XRCC6: variants seen among roughly 807,000 people sequenced by gnomAD.
XRCC6 encodes DNA repair protein Ku70.
XRCC6 carries 5 observed loss-of-function variants against 65.7 expected under a neutral mutation model. That is an observed-to-expected ratio of 0.08 (90% confidence interval 0.04 to 0.16). XRCC6 has a LOEUF of 0.16. Ranked by LOEUF, XRCC6 falls within the 10% of genes least tolerant of loss-of-function variation. The pLI is 1.00. For synonymous variants in XRCC6, 270 were observed against 270.6 expected (o/e 1.00, Z 0.02); for missense variants, 447 against 738.1 (o/e 0.61, Z 4.57).
chr22:41,633,789 G>GCCTA (rs1340842803), intron 3 of XRCC6, among the ~76,000 whole-genome samples: 1 of 152,128 alleles, frequency 6.6e-6, no homozygotes, highest in African/African-American at 2.4e-5. Context: ...AACCCTTGAT[G>GCCTA]CCTAAAGACC....
chr22:41,641,172 T>C (rs1194230759), intron 6 of XRCC6, among the ~76,000 whole-genome samples: 9 of 151,720 alleles, frequency 5.9e-5, no homozygotes, highest in Non-Finnish European at 1.5e-5. Flanking sequence ...GTGGTAATTA[T>C]TTATAAATGT....
In XRCC6 at chr22:41,649,139, A is replaced by AAAAT; in HGVS notation, c.961-1583_961-1582insAATA. On this transcript the variant is annotated intron_variant, in intron 7 of 12. Transcript: ENST00000360079. ...GGGAAGAGAGTACAAAAAAAAAAAA[A>AAAAT]ATATATATATATATATATATATATG... Among the ~76,000 whole-genome samples, 463 of 88,674 alleles carry AAAAT rather than the reference A, an allele frequency of 5.2e-3. 2 individuals carry two copies. The highest frequency in any genetic ancestry group is 0.015 in the African/African-American group (316 of 21,654). 58.2% of individuals were successfully genotyped at this position (88,674 alleles called of 152,430 possible).
chr22:41,639,329 C>CTTTTTTTTTTTTTTTTTTTTTTT (rs386395480), intron 6 of XRCC6, among the ~76,000 whole-genome samples: 2 of 64,560 alleles, frequency 3.1e-5, no homozygotes, highest in African/African-American at 6.1e-5. Flanking sequence ...GATTCTTTTT[C>CTTTTTTTTTTTTTTTTTTTTTTT]TTTTTTTTTT....
intron 11 of XRCC6, among the ~76,000 whole-genome samples, chr22:41,659,370 C>T (rs958966382): frequency 4.6e-5 from 7 of 152,048 alleles, no homozygotes; most frequent in East Asian, 1.9e-4. Context: ...CCACCAAGCC[C>T]GGTTAATTTT....
At position 41,636,184 on chromosome 22, in the gene XRCC6, T is replaced by C. The variant is rs55916233; in HGVS notation, c.267T>C (p.Gly89=). 1.2e-6 allele frequency: 2 copies of C among 1,609,254 alleles called. No individual in the cohort carries two copies. The highest frequency in any genetic ancestry group is 4.5e-5 in the East Asian group (2 of 44,840). ...ATCTCTTGGCTGTGGTGTTCTATGG[T>C]ACCGAGAAAGACAAAAATTCAGTGA... ...DRDLLAVVFY[G]TEKDKNSVNF... is the part of the protein sequence containing the mutation. Residue 89 remains glycine, a synonymous_variant, in exon 4 of 13, where the codon GGT becomes GGC. Transcript: ENST00000360079.
chr22:41,655,852 C>A (rs1294402282), intron 9 of XRCC6, among the ~76,000 whole-genome samples: 1 of 151,756 alleles, frequency 6.6e-6, no homozygotes, highest in Non-Finnish European at 1.5e-5. Flanking sequence ...ACGTGAGCCA[C>A]CATGTCCGGC....
intron 9 of XRCC6, among the ~76,000 whole-genome samples, chr22:41,655,653 T>G (rs2068037711): frequency 6.6e-6 from 1 of 151,108 alleles, no homozygotes; most frequent in Admixed American, 6.6e-5. Context: ...GAGCTGAGAT[T>G]GCGCCACTGC....
intron 9 of XRCC6, among the ~76,000 whole-genome samples, chr22:41,655,069 C>G (rs1365913024): frequency 1.3e-5 from 2 of 152,186 alleles, no homozygotes; most frequent in African/African-American, 4.8e-5. Context: ...TCTTGGTTAT[C>G]AGATTGACTG....
At chr22:41,655,642 T>G (rs1429158019) in intron 9 of XRCC6, among the ~76,000 whole-genome samples, 1 of 150,746 alleles carries the variant, frequency 6.6e-6, no homozygotes, top group Non-Finnish European at 1.5e-5. Flanking sequence ...GTGGAGTTAG[T>G]GAGCTGAGAT....
chr22:41,623,554 G>GT (rs763914222), intron 2 of XRCC6, among the ~76,000 whole-genome samples: 81 of 151,772 alleles, frequency 5.3e-4, no homozygotes, highest in South Asian at 2.7e-3. Context: ...CGCCCGGCCA[G>GT]TTTTTTGTAT....
Position 41,628,290 on chromosome 22 carries a change from G to C in XRCC6, c.195+60G>C, listed in dbSNP as rs567091165. The C allele has an allele frequency of 2.1e-6, 3 of 1,420,106 alleles. No homozygotes were observed. In the Admixed American group the frequency reaches 5.5e-5, roughly 26 times the overall value. 88.0% of individuals were successfully genotyped at this position (1,420,106 alleles called of 1,614,324 possible). A position where few individuals can be genotyped will look rare whatever the true frequency, so the allele number is the denominator to read the frequency against. ...AACAGTATTGGCTGGGCATGGTGGC[G>C]GCTCATGCCTGTAATCTCAGGACAT... On this transcript the variant is annotated intron_variant, in intron 3 of 12. Transcript: ENST00000360079.
At chr22:41,635,523 A>G (rs1432308335) in intron 3 of XRCC6, among the ~76,000 whole-genome samples, 3 of 151,850 alleles carry the variant, frequency 2.0e-5, no homozygotes, top group South Asian at 2.1e-4. Context: ...CCATAGCACA[A>G]TTTCCTCCCT....
chr22:41,651,483 C>T (rs962605790), intron 8 of XRCC6, among the ~76,000 whole-genome samples: 5 of 128,068 alleles, frequency 3.9e-5, no homozygotes, highest in African/African-American at 1.4e-4. Context: ...CATCTGCCTC[C>T]CGGGTGAGGA....
At position 41,626,833 on chromosome 22, in the gene XRCC6, G is replaced by T. The variant is rs146623270; in HGVS notation, c.83-1285G>T. ...TTTTTTGTATTTTTAGCAGAGACAG[G>T]GTTTCACCGTATTAGCTAGGATGGT... is the stretch of plus-strand genomic sequence containing the variant. On this transcript the variant is annotated intron_variant, in intron 2 of 12. Transcript: ENST00000360079. 7.2e-5 allele frequency among the ~76,000 whole-genome samples: 11 copies of T among 151,898 alleles called. No individual in the cohort carries two copies. In the East Asian group the frequency reaches 1.4e-3, roughly 19 times the overall value.
At chr22:41,658,163 G>A (rs1273546393) in intron 10 of XRCC6, 89 bp from the exon 11 acceptor site, 18 of 1,312,732 alleles carry the variant, frequency 1.4e-5, no homozygotes, top group African/African-American at 4.4e-5. Context: ...AGCTCACCCC[G>A]GACCTGTAGT....
At chr22:41,660,309 C>T (rs1425720220) in intron 11 of XRCC6, among the ~76,000 whole-genome samples, 2 of 152,190 alleles carry the variant, frequency 1.3e-5, no homozygotes, top group African/African-American at 4.8e-5. Flanking sequence ...GTCATACTTG[C>T]TCCCCCTGTT....
intron 3 of XRCC6, among the ~76,000 whole-genome samples, chr22:41,633,911 C>G (rs2067783098): frequency 6.6e-6 from 1 of 152,148 alleles, no homozygotes; most frequent in Non-Finnish European, 1.5e-5. Context: ...AAAACATTTT[C>G]TAAAATTCTG....
At chr22:41,632,176 G>T (rs1228458011) in intron 3 of XRCC6, among the ~76,000 whole-genome samples, 34 of 151,566 alleles carry the variant, frequency 2.2e-4, no homozygotes, top group African/African-American at 7.5e-4. Flanking sequence ...GGGATAGGGA[G>T]AGGGAGAGGG....
At chr22:41,625,386 G>A (rs2067658905) in intron 2 of XRCC6, among the ~76,000 whole-genome samples, 1 of 151,912 alleles carries the variant, frequency 6.6e-6, no homozygotes, top group African/African-American at 2.4e-5. Flanking sequence ...AGCACTTTGG[G>A]AGTAGGAGGC....
Sources: allele counts gnomAD v4.1 joint callset (sites outside exome capture counted in the v4.1 genomes callset), GRCh38; gene constraint gnomAD v4.1.1; transcripts MANE v1.5; gene names NCBI Gene and HGNC (gene_info 2026-07-23, HGNC 2026-07-21).